The following ROBO1 variants were observed in gnomAD, a reference collection of about 807,000 sequenced individuals.
ROBO1 encodes roundabout homolog 1.
Under a neutral mutation model 195.9 loss-of-function variants are expected in ROBO1, and 149 were observed. That is an observed-to-expected ratio of 0.76 (90% CI 0.67 to 0.87). ROBO1 has a LOEUF of 0.87. ROBO1 is among the 40% of genes least tolerant of loss of function. ROBO1 has a pLI of 0.00. For synonymous variants in ROBO1, 816 were observed against 733.2 expected (o/e 1.11, Z -1.82); for missense variants, 1,933 against 2,068.3 (o/e 0.93, Z 1.27).
At chr3:79,763,628 C>T (rs1704828739) in intron 1 of ROBO1, among the ~76,000 whole-genome samples, 1 of 152,078 alleles carries the variant, frequency 6.6e-6, no homozygotes, top group Admixed American at 6.5e-5. Flanking sequence ...TAGCAGGCAT[C>T]CTGGCTACAT....
chr3:78,634,574 T>G (rs147308392), intron 23 of ROBO1: 433 of 282,432 alleles, frequency 1.5e-3, no homozygotes, highest in African/African-American at 8.9e-3. Context: ...ATCAGAGTTC[T>G]GAAATATTTG....
intron 4 of ROBO1, among the ~76,000 whole-genome samples, chr3:78,884,390 T>C (rs748574172): frequency 8.5e-5 from 13 of 152,106 alleles, no homozygotes; most frequent in Admixed American, 3.9e-4. Context: ...GGTGGGAGGA[T>C]TGTTTGAGCT....
At chr3:79,519,238 A>T (rs2107571025) in intron 2 of ROBO1, among the ~76,000 whole-genome samples, 1 of 152,250 alleles carries the variant, frequency 6.6e-6, no homozygotes, top group African/African-American at 2.4e-5. Flanking sequence ...TGAAAATTTC[A>T]GCTCAGAACC....
At chr3:79,665,377 T>C (rs1946447023) in intron 1 of ROBO1, among the ~76,000 whole-genome samples, 1 of 151,922 alleles carries the variant, frequency 6.6e-6, no homozygotes, top group African/African-American at 2.4e-5. Context: ...CTCCTTGTTT[T>C]ATTCTCACAA....
At chr3:79,370,828 T>C (rs1559851921) in intron 2 of ROBO1, among the ~76,000 whole-genome samples, 1 of 152,038 alleles carries the variant, frequency 6.6e-6, no homozygotes, top group Non-Finnish European at 1.5e-5. Context: ...TAATGCTCTC[T>C]CTCCCCTTGC....
intron 1 of ROBO1, among the ~76,000 whole-genome samples, chr3:79,727,641 C>T (rs1702977317): frequency 6.6e-6 from 1 of 152,116 alleles, no homozygotes; most frequent in South Asian, 2.1e-4. Flanking sequence ...ACTACACAAA[C>T]AGGTAAAAAG....
chr3:79,350,815 T>C (rs550316958), intron 2 of ROBO1, among the ~76,000 whole-genome samples: 146 of 152,180 alleles, frequency 9.6e-4, no homozygotes, highest in African/African-American at 3.3e-3. Flanking sequence ...TAGCTAAAAT[T>C]ACAAGAATTC....
intron 3 of ROBO1, among the ~76,000 whole-genome samples, chr3:78,996,121 T>TA (rs1309084343): frequency 6.6e-6 from 1 of 152,040 alleles, no homozygotes; most frequent in African/African-American, 2.4e-5. Context: ...CCAATATTTT[T>TA]AAAACAATGT....
chr3:79,392,659 A>G (rs2036997309), intron 2 of ROBO1, among the ~76,000 whole-genome samples: 1 of 152,190 alleles, frequency 6.6e-6, no homozygotes, highest in South Asian at 2.1e-4. Flanking sequence ...GTGAAACCCC[A>G]ATGACTAGGA....
chr3:79,693,308 G>A lies in ROBO1; in HGVS notation c.-51+74444C>T, dbSNP rs116645048. 1.3e-3 allele frequency among the ~76,000 whole-genome samples: 192 copies of A among 151,572 alleles called. 2 individuals are homozygous for A. In the Middle Eastern group the frequency reaches 0.014, roughly 11 times the overall value. On this transcript the variant is annotated intron_variant, in intron 1 of 30. Transcript: ENST00000464233. ...TTATAAAACAAAGACAGGAAATGTG[G>A]TCTTTCTAAAGTAGTTTTATTGAAA...
chr3:78,825,064 T>C (rs2031458236), intron 4 of ROBO1, among the ~76,000 whole-genome samples: 1 of 152,212 alleles, frequency 6.6e-6, no homozygotes, highest in Non-Finnish European at 1.5e-5. Flanking sequence ...CTTTTAACAC[T>C]ATCACTCTAA....
At position 79,117,526 on chromosome 3, in the gene ROBO1, C is replaced by A. The variant is rs542784214; in HGVS notation, c.172+7930G>T. Among the ~76,000 whole-genome samples the A allele has an allele frequency of 4.6e-5, 7 of 152,246 alleles. 1 individual carries two copies. Among genetic ancestry groups the A allele is most frequent in the Non-Finnish European group, 1.0e-4 (7 of 68,028 alleles). On this transcript the variant is annotated intron_variant, in intron 3 of 30. Coordinates refer to ENST00000464233, the MANE Select transcript of ROBO1 (RefSeq NM_002941.4). ...GAGTGACCATGTTGAATAGAGTGCG[C>A]CTGACCTGGGAGGCCTAAGTGAGGA...
chr3:79,579,937 A>G (rs1291436058), intron 2 of ROBO1, among the ~76,000 whole-genome samples: 1 of 152,124 alleles, frequency 6.6e-6, no homozygotes, highest in Non-Finnish European at 1.5e-5. Context: ...AGTTCATTGT[A>G]TTAGTGATGC....
At chr3:79,333,291 T>C (rs1394233926) in intron 2 of ROBO1, among the ~76,000 whole-genome samples, 1 of 152,076 alleles carries the variant, frequency 6.6e-6, no homozygotes, top group East Asian at 1.9e-4. Context: ...TCACCCTTTT[T>C]CTCTCACCCT....
At chr3:79,019,081 G>C (rs531781298) in intron 3 of ROBO1, 1 of 989,968 alleles carries the variant, frequency 1.0e-6, no homozygotes, top group Non-Finnish European at 1.2e-6. Context: ...GCGGCTGCCT[G>C]GGCGGGCCCT....
chr3:79,704,604 G>A (rs916745980), intron 1 of ROBO1, among the ~76,000 whole-genome samples: 1 of 151,846 alleles, frequency 6.6e-6, no homozygotes, highest in Non-Finnish European at 1.5e-5. Flanking sequence ...TCCTTTAGTT[G>A]CTTCCAAGAT....
intron 1 of ROBO1, among the ~76,000 whole-genome samples, chr3:79,706,740 T>C (rs943633313): frequency 2.0e-5 from 3 of 152,090 alleles, no homozygotes; most frequent in African/African-American, 7.2e-5. Context: ...CTCCTTGCCT[T>C]CCACCATGAT....
chr3:78,849,776 TAAGAC>T (rs1394435874), intron 4 of ROBO1, among the ~76,000 whole-genome samples: 1 of 151,524 alleles, frequency 6.6e-6, no homozygotes, highest in Admixed American at 6.6e-5. Context: ...TTCAGACAGA[TAAGAC>T]TAGAATAGGC....
chr3:79,169,352 C>A (rs893568003), intron 2 of ROBO1, among the ~76,000 whole-genome samples: 4 of 151,962 alleles, frequency 2.6e-5, no homozygotes, highest in African/African-American at 9.7e-5. Flanking sequence ...TTTTGCTTGC[C>A]GCACAGGCAT....
Sources: gnomAD v4.1 joint callset for allele counts (sites outside exome capture counted in the v4.1 genomes callset) on GRCh38, gnomAD v4.1.1 for gene constraint, MANE v1.5 for transcripts, NCBI Gene and HGNC (gene_info 2026-07-23, HGNC 2026-07-21) for gene names.